Variants in FGD4 observed in about 807,000 individuals in gnomAD.
FGD4 encodes the protein FYVE, RhoGEF and PH domain containing 4.
FGD4 carries 42 observed loss-of-function variants against 102.0 expected under a neutral mutation model. The observed-to-expected ratio is 0.41, with a 90% CI of 0.32 to 0.53. The LOEUF is 0.53. Among genes scored for constraint, FGD4 ranks in the 20% least tolerant of loss-of-function variants. FGD4 has a pLI of 0.21. For missense variants in FGD4, 902 were observed against 1,078.2 expected, an observed-to-expected ratio of 0.84 and a Z score of 2.29; for synonymous variants, 380 against 375.7, an observed-to-expected ratio of 1.01 and a Z score of -0.13.
intron 1 of FGD4, among the ~76,000 whole-genome samples, chr12:32,494,012 C>G (rs1937630677): frequency 6.6e-6 from 1 of 152,156 alleles, no homozygotes; most frequent in Non-Finnish European, 1.5e-5. Flanking sequence ...TGTAAAGGGT[C>G]TGAGGCAGGA....
At chr12:32,598,470 ATG>A in intron 4 of FGD4, 25 bp from the exon 5 acceptor site, 2 of 1,468,344 alleles carry the variant, frequency 1.4e-6, no homozygotes, top group Non-Finnish European at 1.9e-6. Flanking sequence ...ATCTTTCCTA[ATG>A]TGTGAATATC....
chr12:32,470,463 CTTTTTTTTT>C (rs551854980), intron 1 of FGD4, among the ~76,000 whole-genome samples: 1 of 130,842 alleles, frequency 7.6e-6, no homozygotes, highest in Non-Finnish European at 1.6e-5. Flanking sequence ...TTTTCTTTTT[CTTTTTTTTT>C]TTTTTTTTTG....
chr12:32,572,655 G>T (rs1328331501), intron 2 of FGD4, among the ~76,000 whole-genome samples: 3 of 152,072 alleles, frequency 2.0e-5, no homozygotes, highest in East Asian at 1.9e-4. Flanking sequence ...TAACTAATTT[G>T]GGAAATCTTT....
At chr12:32,441,123 C>T (rs1244586065) in intron 1 of FGD4, among the ~76,000 whole-genome samples, 4 of 152,122 alleles carry the variant, frequency 2.6e-5, no homozygotes, top group South Asian at 2.1e-4. Context: ...CCCAAGAGCT[C>T]GCTTGATGCT....
At chr12:32,511,484 A>G (rs1008351170) in intron 1 of FGD4, among the ~76,000 whole-genome samples, 2 of 151,910 alleles carry the variant, frequency 1.3e-5, no homozygotes, top group Non-Finnish European at 2.9e-5. Context: ...TATTTTTTTT[A>G]GTAGAGACGG....
At chr12:32,618,433 T>C (rs1377396495) in intron 10 of FGD4, among the ~76,000 whole-genome samples, 1 of 119,778 alleles carries the variant, frequency 8.3e-6, no homozygotes, top group East Asian at 2.0e-4. Flanking sequence ...ATGATATGGA[T>C]GGTGATTAAA....
chr12:32,588,713 G>A (rs891847310), intron 4 of FGD4, among the ~76,000 whole-genome samples: 1 of 152,174 alleles, frequency 6.6e-6, no homozygotes, highest in African/African-American at 2.4e-5. Context: ...TGGAATTCAA[G>A]AAAGAGAAAA....
intron 10 of FGD4, among the ~76,000 whole-genome samples, chr12:32,619,004 GC>G (rs1330921594): frequency 2.6e-5 from 4 of 152,080 alleles, no homozygotes; most frequent in African/African-American, 9.7e-5. Context: ...TTTTAGACTT[GC>G]CCTCTAAGAT....
At chr12:32,636,180 A>G (rs1030377514) in intron 15 of FGD4, among the ~76,000 whole-genome samples, 3 of 152,096 alleles carry the variant, frequency 2.0e-5, no homozygotes, top group Non-Finnish European at 1.5e-5. Context: ...TGGGCCATAC[A>G]AAAACAACTG....
chr12:32,500,392 TTTTTA>T (rs56752650), intron 1 of FGD4, among the ~76,000 whole-genome samples: 29,891 of 134,110 alleles, frequency 0.22, 3,656 homozygotes, highest in Admixed American at 0.35. Context: ...TTTTATTTTA[TTTTTA>T]TTTTATTTTA....
chr12:32,518,746 A>G (rs1454864245), intron 1 of FGD4, among the ~76,000 whole-genome samples: 1 of 152,110 alleles, frequency 6.6e-6, no homozygotes, highest in African/African-American at 2.4e-5. Flanking sequence ...CACAAACATC[A>G]TAAGCTATTT....
chr12:32,563,350 C>G (rs1347067609), intron 1 of FGD4, among the ~76,000 whole-genome samples: 1 of 151,570 alleles, frequency 6.6e-6, no homozygotes, highest in Non-Finnish European at 1.5e-5. Flanking sequence ...GGGCGCTCCT[C>G]ACATCCCAGA....
chr12:32,632,712 TA>T (rs11363034), intron 14 of FGD4, among the ~76,000 whole-genome samples: 16,205 of 129,912 alleles, frequency 0.12, 956 homozygotes, highest in Middle Eastern at 0.17. Context: ...TTTATTTATT[TA>T]TTTTTTTTTT....
At chr12:32,588,853 C>T (rs765567504) in intron 4 of FGD4, among the ~76,000 whole-genome samples, 15 of 152,214 alleles carry the variant, frequency 9.9e-5, no homozygotes, top group Admixed American at 2.6e-4. Flanking sequence ...GAGGTCACAG[C>T]GTGTAGAAAG....
intron 1 of FGD4, among the ~76,000 whole-genome samples, chr12:32,451,616 A>G (rs1300079681): frequency 6.6e-6 from 1 of 151,806 alleles, no homozygotes; most frequent in Non-Finnish European, 1.5e-5. Flanking sequence ...GAAAGTTACT[A>G]CTTAAGGCCG....
intron 1 of FGD4, among the ~76,000 whole-genome samples, chr12:32,475,978 A>G (rs780637526): frequency 3.9e-5 from 6 of 152,172 alleles, no homozygotes; most frequent in Admixed American, 2.0e-4. Context: ...CACTACTCCT[A>G]TATTTTATTG....
intron 1 of FGD4, among the ~76,000 whole-genome samples, chr12:32,441,126 T>C (rs1326989954): frequency 6.6e-6 from 1 of 152,162 alleles, no homozygotes; most frequent in Non-Finnish European, 1.5e-5. Context: ...AAGAGCTCGC[T>C]TGATGCTCTA....
chr12:32,431,512 A>C (rs883404), intron 1 of FGD4, among the ~76,000 whole-genome samples: 20,293 of 152,188 alleles, frequency 0.13, 1,525 homozygotes, highest in Middle Eastern at 0.21. Flanking sequence ...CATATTTAGA[A>C]GATAGGCTTT....
In FGD4 at chr12:32,582,073, A is replaced by G; in HGVS notation, c.617A>G (p.Gln206Arg). Residue 206 changes from glutamine to arginine, a missense_variant, in exon 4 of 17, where the codon CAG (glutamine) becomes CGG (arginine). Around this residue, in one of 2 missense-constraint regions of FGD4, gnomAD observed 443 missense variants for 459.2 expected, o/e 0.96. Transcript: ENST00000534526. ...TTTPQQKLLSQHLPQRQGNDT... is the reference protein window; with the variant it reads ...TTTPQQKLLSRHLPQRQGNDT... ...ACACCTCAACAAAAACTCCTCTCCC[A>G]GCACTTGCCACAGAGGCAGGGAAAT... 1 of 1,614,218 alleles carries G rather than the reference A, an allele frequency of 6.2e-7. No homozygotes were observed. Among genetic ancestry groups the G allele is most frequent in the Non-Finnish European group, 8.5e-7 (1 of 1,180,040 alleles).
Sources: allele counts gnomAD v4.1 joint callset (sites outside exome capture counted in the v4.1 genomes callset), GRCh38; gene constraint gnomAD v4.1.1; regional missense constraint gnomAD v4.1.1; transcripts MANE v1.5; gene names NCBI Gene and HGNC (gene_info 2026-07-23, HGNC 2026-07-21).